The following UBE2F variants were observed in gnomAD, a reference collection of about 807,000 sequenced individuals.
The protein encoded by UBE2F is NEDD8-conjugating enzyme UBE2F.
A neutral mutation model predicts 29.6 loss-of-function variants in UBE2F; 5 were observed. The observed-to-expected ratio is 0.17, with a 90% CI of 0.09 to 0.36. UBE2F has a LOEUF of 0.36. Ranked by LOEUF, UBE2F falls within the 10% of genes least tolerant of loss-of-function variation. The pLI is 1.00. For synonymous variants in UBE2F, 66 were observed against 81.8 expected, an observed-to-expected ratio of 0.81 and a Z score of 1.04; for missense variants, 141 against 228.5, an observed-to-expected ratio of 0.62 and a Z score of 2.47.
intron 6 of UBE2F, among the ~76,000 whole-genome samples, chr2:238,029,926 C>T (rs955612285): frequency 2.7e-5 from 4 of 150,708 alleles, no homozygotes; most frequent in African/African-American, 9.9e-5. Context: ...CATTTTGTTG[C>T]CATTGTCATT....
chr2:237,988,184 A>G (rs890152383), intron 3 of UBE2F, among the ~76,000 whole-genome samples, 192 bp downstream of exon 3: 1 of 152,180 alleles, frequency 6.6e-6, no homozygotes, highest in African/African-American at 2.4e-5. Context: ...ATGGTGGCTC[A>G]TGCTGCTAGT....
intron 7 of UBE2F, 96 bp from the exon 8 acceptor site, chr2:238,032,126 T>G: frequency 1.1e-6 from 1 of 931,350 alleles, no homozygotes; most frequent in Non-Finnish European, 1.7e-6. Context: ...AAAGACAGGT[T>G]TTGATACAGT....
intron 1 of UBE2F, 62 bp from the exon 2 acceptor site, chr2:237,973,030 T>A: frequency 6.6e-7 from 1 of 1,509,484 alleles, no homozygotes; most frequent in Admixed American, 2.2e-5. Context: ...TACATTTTTC[T>A]CAGTGTCTAA....
chr2:238,003,751 A>G (rs190088408), intron 4 of UBE2F, among the ~76,000 whole-genome samples: 2 of 152,274 alleles, frequency 1.3e-5, no homozygotes, highest in African/African-American at 4.8e-5. Context: ...ATCTTTTTTA[A>G]GAATCATGTT....
At chr2:238,020,853 G>C (rs1440814801) in intron 5 of UBE2F, among the ~76,000 whole-genome samples, 1 of 152,206 alleles carries the variant, frequency 6.6e-6, no homozygotes, top group African/African-American at 2.4e-5. Flanking sequence ...CCAAGGATGG[G>C]AACTTGGTGG....
chr2:237,998,062 A>T (rs1183857844), intron 4 of UBE2F, among the ~76,000 whole-genome samples: 1 of 152,172 alleles, frequency 6.6e-6, no homozygotes, highest in Non-Finnish European at 1.5e-5. Context: ...CCCTGCTGTG[A>T]TGGTGGTGAT....
Position 237,973,092 on chromosome 2 carries a change from G to C in UBE2F, c.-16G>C, listed in dbSNP as rs1353863724. On this transcript the variant is annotated splice_region_variant and 5_prime_UTR_variant, in exon 2 of 10. Coordinates refer to ENST00000272930, the MANE Select transcript of UBE2F (RefSeq NM_080678.3). The stretch of plus-strand genomic sequence containing the variant: ...CCCTGCTTTCATTGCTGTCTTTCAG[G>C]GTAAAGGCAGCAGTAATGCTAACGC... 1 of 1,605,706 alleles carries C rather than the reference G, an allele frequency of 6.2e-7. No homozygotes were observed. Among genetic ancestry groups the C allele is most frequent in the Admixed American group, 1.7e-5 (1 of 59,830 alleles).
At chr2:238,041,065 G>A (rs146769942) in intron 9 of UBE2F, among the ~76,000 whole-genome samples, 5 of 152,154 alleles carry the variant, frequency 3.3e-5, no homozygotes, top group Admixed American at 6.5e-5. Flanking sequence ...GGCCTTCCAC[G>A]TGCTCCCCCC....
chr2:237,991,805 G>A (rs1197158946), intron 3 of UBE2F, among the ~76,000 whole-genome samples: 2 of 150,750 alleles, frequency 1.3e-5, no homozygotes, highest in East Asian at 1.9e-4. Context: ...GTTTTGCCAG[G>A]ATTACAGGCG....
chr2:238,017,605 G>A (rs1012170360), intron 5 of UBE2F, among the ~76,000 whole-genome samples: 5 of 152,186 alleles, frequency 3.3e-5, no homozygotes, highest in African/African-American at 7.2e-5. Context: ...GTGTGGCTGC[G>A]CTTCAGGGAC....
At chr2:238,024,834 G>A (rs1489001458) in intron 5 of UBE2F, among the ~76,000 whole-genome samples, 1 of 152,188 alleles carries the variant, frequency 6.6e-6, no homozygotes, top group Non-Finnish European at 1.5e-5. Flanking sequence ...CTAGGAAAAC[G>A]TATGTGACAA....
chr2:237,976,227 G>A (rs912499784), intron 2 of UBE2F, among the ~76,000 whole-genome samples: 6 of 152,208 alleles, frequency 3.9e-5, no homozygotes, highest in Non-Finnish European at 7.3e-5. Flanking sequence ...CCAGGAAAAT[G>A]GTGTGTTGTT....
intron 4 of UBE2F, among the ~76,000 whole-genome samples, chr2:238,006,820 A>G (rs1275836413): frequency 2.1e-5 from 3 of 142,350 alleles, no homozygotes; most frequent in Non-Finnish European, 4.5e-5. Flanking sequence ...CAATGGCATG[A>G]TCTCAGCTCA....
chr2:237,989,991 A>G (rs541814703), intron 3 of UBE2F, among the ~76,000 whole-genome samples: 23 of 151,504 alleles, frequency 1.5e-4, no homozygotes, highest in African/African-American at 5.6e-4. Flanking sequence ...AGTGGTATGC[A>G]CCTGTAATCC....
intron 2 of UBE2F, among the ~76,000 whole-genome samples, chr2:237,979,380 C>A (rs1157318481): frequency 6.6e-6 from 1 of 152,190 alleles, no homozygotes; most frequent in Non-Finnish European, 1.5e-5. Context: ...TGGGACCCCT[C>A]ACCTTCCTAT....
chr2:237,993,176 C>T (rs1023040841), intron 3 of UBE2F, among the ~76,000 whole-genome samples: 13 of 151,958 alleles, frequency 8.6e-5, no homozygotes, highest in African/African-American at 2.2e-4. Context: ...TTAGTAGAGA[C>T]GGGGTTTCAC....
intron 2 of UBE2F, among the ~76,000 whole-genome samples, chr2:237,974,516 T>G (rs1485036203): frequency 2.3e-4 from 9 of 39,596 alleles, no homozygotes; most frequent in African/African-American, 8.7e-4. Flanking sequence ...TTTTTTTTTG[T>G]TTTTTTTTTT....
chr2:238,027,704 G>C (rs1272509000), intron 6 of UBE2F, among the ~76,000 whole-genome samples: 1 of 152,204 alleles, frequency 6.6e-6, no homozygotes, highest in Admixed American at 6.5e-5. Context: ...AGCAGACAGT[G>C]TCCAGTGGCA....
intron 2 of UBE2F, among the ~76,000 whole-genome samples, chr2:237,986,530 C>T (rs913908248): frequency 1.3e-5 from 2 of 152,042 alleles, no homozygotes; most frequent in African/African-American, 4.8e-5. Flanking sequence ...ATCCCACTTG[C>T]TTATTTTTGC....
Sources: allele counts gnomAD v4.1 joint callset (sites outside exome capture counted in the v4.1 genomes callset), GRCh38; gene constraint gnomAD v4.1.1; transcripts MANE v1.5; gene names NCBI Gene and HGNC (gene_info 2026-07-23, HGNC 2026-07-21).